Variants in RAD51B observed in about 807,000 individuals in gnomAD.
RAD51B encodes the protein DNA repair protein RAD51 homolog 2.
Under a neutral mutation model 42.2 loss-of-function variants are expected in RAD51B, and 38 were observed. The observed-to-expected ratio is 0.90, with a 90% confidence interval of 0.70 to 1.18. The LOEUF is 1.18. RAD51B is among the 50% of genes most tolerant of loss of function. The probability of loss-of-function intolerance (pLI) is 0.00; values close to 1 mark genes in which losing one functional copy is unlikely to be tolerated. For missense variants in RAD51B, 373 were observed against 400.7 expected (o/e 0.93, Z 0.59); for synonymous variants, 154 against 145.2 (o/e 1.06, Z -0.43).
intron 10 of RAD51B, chr14:68,470,400 G>A (rs2086092259): frequency 4.6e-6 from 2 of 437,950 alleles, no homozygotes; most frequent in South Asian, 3.4e-5. Context: ...CAAAGACTTT[G>A]GGAAAACAAA....
At chr14:68,605,034 T>A (rs1229623392) in intron 10 of RAD51B, among the ~76,000 whole-genome samples, 1 of 152,098 alleles carries the variant, frequency 6.6e-6, no homozygotes, top group Non-Finnish European at 1.5e-5. Context: ...GCCCAGGCGG[T>A]GCTGCAGCCT....
chr14:68,535,864 G>T (rs1382330206), intron 10 of RAD51B, among the ~76,000 whole-genome samples: 1 of 152,180 alleles, frequency 6.6e-6, no homozygotes, highest in East Asian at 1.9e-4. Context: ...GCACTTGGAG[G>T]TTTGGACCAG....
chr14:68,391,640 A>T (rs939752470), intron 8 of RAD51B, among the ~76,000 whole-genome samples: 1 of 149,660 alleles, frequency 6.7e-6, no homozygotes. Flanking sequence ...CATTATACCC[A>T]TTTTTTTTTT....
chr14:68,269,439 T>G (rs1048205780), intron 7 of RAD51B, among the ~76,000 whole-genome samples: 1 of 152,148 alleles, frequency 6.6e-6, no homozygotes, highest in Non-Finnish European at 1.5e-5. Context: ...CATCTTTCTC[T>G]TTAGGACCTT....
rs115605233 is a variant in RAD51B at position 68,550,003 on chromosome 14, G to A, written c.1037-44482G>A. ...GGATTGGGGGACTCAGAAGGAGGGC[G>A]TAGATTGTCCTGCTACAGAAAAAGA... On this transcript the variant is annotated intron_variant, in intron 10 of 10. Coordinates refer to the RAD51B transcript ENST00000487270. Among the ~76,000 whole-genome samples, 543 of 152,266 alleles carry A rather than the reference G, an allele frequency of 3.6e-3. 4 individuals are homozygous for A. Among genetic ancestry groups the A allele is most frequent in the African/African-American group, 0.013 (523 of 41,544 alleles).
intron 8 of RAD51B, among the ~76,000 whole-genome samples, chr14:68,300,555 T>A (rs1466802782): frequency 6.6e-6 from 1 of 152,210 alleles, no homozygotes; most frequent in Non-Finnish European, 1.5e-5. Flanking sequence ...CTATCACTAG[T>A]CCATGCCATC....
chr14:68,389,859 G>A (rs1159812303), intron 8 of RAD51B, among the ~76,000 whole-genome samples: 2 of 152,140 alleles, frequency 1.3e-5, no homozygotes, highest in Non-Finnish European at 2.9e-5. Context: ...AGGGAAATCT[G>A]GTAATCAAGA....
chr14:68,401,373 A>G (rs1566860091), intron 8 of RAD51B, among the ~76,000 whole-genome samples: 2 of 152,322 alleles, frequency 1.3e-5, no homozygotes, highest in South Asian at 2.1e-4. Flanking sequence ...TCCATGAGCC[A>G]GTGGAGTTGT....
In RAD51B at chr14:68,264,451, T is replaced by C. The variant is rs574459611; in HGVS notation, c.757-27433T>C. The stretch of plus-strand genomic sequence containing the variant: ...AAGAGAAAGTTTTCTGAGTAGCTAG[T>C]GTTTTGAATGGCATGGGGTTTGTGA... On this transcript the variant is annotated intron_variant, in intron 7 of 10. Coordinates refer to ENST00000471583, the MANE Select transcript of RAD51B (RefSeq NM_133510.4). Among the ~76,000 whole-genome samples the C allele has an allele frequency of 2.0e-5, 3 of 152,292 alleles. No homozygotes were observed. The East Asian group carries it at 5.8e-4, about 29-fold the overall frequency.
intron 10 of RAD51B, chr14:68,468,579 G>C (rs941221049): frequency 1.3e-5 from 5 of 374,542 alleles, no homozygotes; most frequent in Non-Finnish European, 2.6e-5. Context: ...AGTGGGCAAT[G>C]ATTCTGACAC....
chr14:68,606,339 C>T (rs569985214), intron 10 of RAD51B, among the ~76,000 whole-genome samples: 3 of 152,208 alleles, frequency 2.0e-5, no homozygotes, highest in African/African-American at 7.2e-5. Context: ...CACCAAGCTC[C>T]CAGGAGGCAG....
intron 5 of RAD51B, among the ~76,000 whole-genome samples, chr14:67,880,418 T>C (rs1453313648): frequency 1.3e-5 from 2 of 152,222 alleles, no homozygotes; most frequent in Non-Finnish European, 1.5e-5. Context: ...ATTGTACAGA[T>C]GTTTTTCCTT....
chr14:68,395,625 A>G (rs1183630484), intron 8 of RAD51B, among the ~76,000 whole-genome samples: 1 of 152,038 alleles, frequency 6.6e-6, no homozygotes, highest in Non-Finnish European at 1.5e-5. Flanking sequence ...GCTGTTTTTA[A>G]TTTAGAGCCA....
At chr14:67,841,518 C>G (rs546511304) in intron 4 of RAD51B, among the ~76,000 whole-genome samples, 2 of 152,140 alleles carry the variant, frequency 1.3e-5, no homozygotes, top group Admixed American at 1.3e-4. Context: ...AATGGATTTT[C>G]CTTGGTTTTC....
intron 7 of RAD51B, among the ~76,000 whole-genome samples, chr14:68,181,800 C>T (rs1268584227): frequency 3.9e-5 from 6 of 152,154 alleles, no homozygotes; most frequent in Non-Finnish European, 8.8e-5. Flanking sequence ...TTAAAATTCT[C>T]TGGGTTGTAG....
intron 7 of RAD51B, among the ~76,000 whole-genome samples, chr14:68,216,419 T>C (rs184199849): frequency 1.3e-5 from 2 of 152,326 alleles, no homozygotes; most frequent in East Asian, 3.9e-4. Flanking sequence ...TAGGTATTAT[T>C]ATCACCTCCT....
chr14:68,318,669 G>T (rs1276486637), intron 8 of RAD51B, among the ~76,000 whole-genome samples: 1 of 152,182 alleles, frequency 6.6e-6, no homozygotes, highest in African/African-American at 2.4e-5. Context: ...CCTCTCTGGG[G>T]TCAGTGTGAA....
chr14:68,348,331 C>T (rs952146183), intron 8 of RAD51B, among the ~76,000 whole-genome samples: 9 of 152,160 alleles, frequency 5.9e-5, no homozygotes, highest in Non-Finnish European at 1.2e-4. Context: ...ATGGTATATT[C>T]ATGGTCTAAA....
At chr14:68,111,266 C>T (rs1803116616) in intron 7 of RAD51B, among the ~76,000 whole-genome samples, 1 of 151,996 alleles carries the variant, frequency 6.6e-6, no homozygotes. Context: ...TCACAGTATG[C>T]TTGTGCATGC....
Sources: allele counts gnomAD v4.1 joint callset (sites outside exome capture counted in the v4.1 genomes callset), GRCh38; gene constraint gnomAD v4.1.1; transcripts MANE v1.5; gene names NCBI Gene and HGNC (gene_info 2026-07-23, HGNC 2026-07-21).